Variants in CTSO observed in about 807,000 individuals in gnomAD.
CTSO encodes the protein cathepsin O.
In CTSO, 40 loss-of-function variants were observed where a neutral mutation model predicts 42.4. The ratio of observed to expected loss-of-function variants is 0.94; its 90% CI spans 0.73 to 1.23. The LOEUF (loss-of-function observed/expected upper bound fraction) is 1.23, where lower values mean the gene tolerates loss of function less well. Ranked by LOEUF, CTSO falls within the 50% of genes most tolerant of loss-of-function variation. CTSO has a pLI of 0.00. For missense variants in CTSO, 441 were observed against 396.0 expected (o/e 1.11, Z -0.96); for synonymous variants, 156 against 146.2 (o/e 1.07, Z -0.48).
At chr4:155,943,644 CAAT>C (rs1163697975) in intron 1 of CTSO, among the ~76,000 whole-genome samples, 2 of 151,982 alleles carry the variant, frequency 1.3e-5, no homozygotes, top group African/African-American at 4.8e-5. Flanking sequence ...TGTGGTTAAA[CAAT>C]TATGAATATG....
At chr4:155,933,457 A>T (rs1743270874) in intron 5 of CTSO, among the ~76,000 whole-genome samples, 1 of 152,102 alleles carries the variant, frequency 6.6e-6, no homozygotes, top group East Asian at 1.9e-4. Context: ...GTACTAGTAG[A>T]TTGGGGCACT....
chr4:155,946,655 C>T (rs576782802), intron 1 of CTSO, among the ~76,000 whole-genome samples: 1 of 152,178 alleles, frequency 6.6e-6, no homozygotes, highest in African/African-American at 2.4e-5. Flanking sequence ...TGTCATTTCA[C>T]AGCTCTCCAT....
At position 155,929,526 on chromosome 4, in the gene CTSO, T is replaced by C. The variant is rs2110904954; in HGVS notation, c.838+16A>G. ...CCATGCTGGAAAGCAGTCAACTGAG[T>C]CTTATCAGCACTTACCTGTTTTATC... On this transcript the variant is annotated intron_variant, in intron 6 of 7. Transcript: ENST00000433477. 6.2e-7 allele frequency: 1 copy of C among 1,602,942 alleles called. No homozygotes were observed. Among genetic ancestry groups the C allele is most frequent in the South Asian group, 1.1e-5 (1 of 88,930 alleles).
Position 155,929,563 on chromosome 4 carries a change from T to A in CTSO, c.817A>T (p.Ile273Leu). The change falls in exon 6 of 8, where the codon ATA (isoleucine) becomes TTA (leucine). Residue 273 changes from isoleucine to leucine, a missense_variant. Physicochemically the swap from Ile to Leu is conservative, Grantham distance 5. Transcript: ENST00000433477. ...TTACCTGTTTTATCAAACCCAGTTA[T>A]GAGAACTGCATGATTTGCTTCTCCA... is the stretch of plus-strand genomic sequence containing the variant. ...SSGEANHAVLITGFDKTGSTP... is the reference protein window; with the variant it reads ...SSGEANHAVLLTGFDKTGSTP... 1 of 1,613,384 alleles carries A rather than the reference T, an allele frequency of 6.2e-7. No homozygotes were observed. Among genetic ancestry groups the A allele is most frequent in the East Asian group, 2.2e-5 (1 of 44,858 alleles).
rs565844166 is a variant in CTSO at position 155,950,886 on chromosome 4, C to T, written c.135+2827G>A. 1.4e-4 allele frequency among the ~76,000 whole-genome samples: 21 copies of T among 151,810 alleles called. No individual in the cohort carries two copies. The South Asian group carries it at 4.4e-3, about 31-fold the overall frequency. On this transcript the variant is annotated intron_variant, in intron 1 of 7. Coordinates refer to ENST00000433477, the MANE Select transcript of CTSO (RefSeq NM_001334.3). ...CCCCAGTCCGTGGAAAAATTGTCTT[C>T]CATGAAACCAATCCCTGGTGCCAAA...
At chr4:155,936,110 ATAGGGCATACT>A (rs1743326547) in intron 5 of CTSO, among the ~76,000 whole-genome samples, 1 of 152,136 alleles carries the variant, frequency 6.6e-6, no homozygotes, top group African/African-American at 2.4e-5. Context: ...GTCAGAGTTT[ATAGGGCATACT>A]TTCTGATTTT....
At chr4:155,952,954 G>A (rs1328494974) in intron 1 of CTSO, among the ~76,000 whole-genome samples, 4 of 151,822 alleles carry the variant, frequency 2.6e-5, no homozygotes, top group African/African-American at 9.7e-5. Flanking sequence ...ACACTAAATC[G>A]GCATCCCTTG....
intron 5 of CTSO, among the ~76,000 whole-genome samples, chr4:155,935,592 C>T (rs527882412): frequency 1.1e-3 from 166 of 152,162 alleles, no homozygotes; most frequent in Non-Finnish European, 1.9e-3. Flanking sequence ...GTACACTCCC[C>T]CTACTACCAG....
At chr4:155,927,063 A>G (rs1743141233) in intron 7 of CTSO, among the ~76,000 whole-genome samples, 1 of 152,146 alleles carries the variant, frequency 6.6e-6, no homozygotes, top group South Asian at 2.1e-4. Context: ...TGGGGTTGCT[A>G]GTATTCTGGC....
At chr4:155,944,123 G>A (rs2110929159) in intron 1 of CTSO, among the ~76,000 whole-genome samples, 1 of 152,152 alleles carries the variant, frequency 6.6e-6, no homozygotes, top group Non-Finnish European at 1.5e-5. Context: ...TATTCCTTAT[G>A]GTGAGACACT....
At chr4:155,942,571 A>T in intron 2 of CTSO, 115 bp from the exon 3 acceptor site, 1 of 369,492 alleles carries the variant, frequency 2.7e-6, no homozygotes, top group Non-Finnish European at 4.1e-6. Context: ...TTATAGGGAG[A>T]CAACCAATAT....
At chr4:155,935,525 A>G (rs1304950620) in intron 5 of CTSO, among the ~76,000 whole-genome samples, 1 of 152,060 alleles carries the variant, frequency 6.6e-6, no homozygotes, top group South Asian at 2.1e-4. Flanking sequence ...CCAAGTCTTC[A>G]CTTGAACATA....
chr4:155,943,925 C>T (rs1743485375), intron 1 of CTSO, among the ~76,000 whole-genome samples: 1 of 152,144 alleles, frequency 6.6e-6, no homozygotes, highest in Non-Finnish European at 1.5e-5. Context: ...TTAAGCTTAT[C>T]TTTTATATAT....
At chr4:155,944,992 C>T (rs534878435) in intron 1 of CTSO, among the ~76,000 whole-genome samples, 1 of 149,432 alleles carries the variant, frequency 6.7e-6, no homozygotes, top group African/African-American at 2.4e-5. Context: ...AGCAGTGGCT[C>T]ACACCTGTCA....
intron 3 of CTSO, among the ~76,000 whole-genome samples, chr4:155,941,644 G>T (rs555289930): frequency 3.9e-5 from 6 of 152,136 alleles, no homozygotes; most frequent in Non-Finnish European, 8.8e-5. Flanking sequence ...GACTAAGCTC[G>T]TAGGTAGTGT....
chr4:155,948,982 G>T (rs1743598252), intron 1 of CTSO, among the ~76,000 whole-genome samples: 1 of 152,152 alleles, frequency 6.6e-6, no homozygotes, highest in South Asian at 2.1e-4. Context: ...TTTTCTTCTT[G>T]CATGTACTCA....
chr4:155,926,185 T>C (rs1743126832), intron 7 of CTSO, 115 bp from the exon 8 acceptor site: 2 of 679,838 alleles, frequency 2.9e-6, no homozygotes, highest in Non-Finnish European at 5.0e-6. Flanking sequence ...GAAAATAATG[T>C]AATGCTTATC....
rs1383555432 is a variant in CTSO at position 155,925,963 on chromosome 4, C to A, written c.*73G>T. ...TGCTGAAACTTGAAGTTGAATAATA[C>A]TTTGAAGTACTATGTTACATTGCAT... On this transcript the variant is annotated 3_prime_UTR_variant, in exon 8 of 8. Coordinates refer to ENST00000433477, the MANE Select transcript of CTSO (RefSeq NM_001334.3). The A allele has an allele frequency of 7.8e-7, 1 of 1,283,546 alleles. No individual in the cohort carries two copies. The highest frequency in any genetic ancestry group is 1.1e-6 in the Non-Finnish European group (1 of 897,922). The allele number at this position is 1,283,546 out of a possible 1,614,324, so 79.5% of individuals were successfully genotyped here.
intron 1 of CTSO, among the ~76,000 whole-genome samples, chr4:155,953,366 T>C (rs1430153591): frequency 6.6e-6 from 1 of 152,160 alleles, no homozygotes. Context: ...TGGAAGCCAG[T>C]GGCAACGATA....
Sources: gnomAD v4.1 joint callset for allele counts (sites outside exome capture counted in the v4.1 genomes callset) on GRCh38, gnomAD v4.1.1 for gene constraint, MANE v1.5 for transcripts, NCBI Gene and HGNC (gene_info 2026-07-23, HGNC 2026-07-21) for gene names.